PTBP3: variants seen among roughly 807,000 people sequenced by gnomAD.
PTBP3 encodes the protein polypyrimidine tract binding protein 3.
In PTBP3, 20 loss-of-function variants were observed where a neutral mutation model predicts 58.7. The observed-to-expected ratio is 0.34, with a 90% confidence interval of 0.24 to 0.50. The LOEUF is 0.50. PTBP3 is among the 20% of genes least tolerant of loss of function. PTBP3 has a pLI of 0.98. For synonymous variants in PTBP3, 185 were observed against 219.8 expected (o/e 0.84, Z 1.40); for missense variants, 509 against 637.2 (o/e 0.80, Z 2.17).
Position 112,333,525 on chromosome 9 carries a change from G to C in PTBP3, c.-107C>G, listed in dbSNP as rs1281926281. ...GAGCAGGGACTGACGGGCTAACCGC[G>C]AGCAGAGGAAGCAGGCGGCGGCAGC... On this transcript the variant is annotated 5_prime_UTR_variant, in exon 1 of 14. Transcript: ENST00000374257. 1.3e-6 allele frequency: 2 copies of C among 1,570,076 alleles called. No individual in the cohort carries two copies. The highest frequency in any genetic ancestry group is 1.7e-6 in the Non-Finnish European group (2 of 1,156,894).
intron 4 of PTBP3, 92 bp from the exon 5 acceptor site, chr9:112,262,691 G>A (rs3843823): frequency 0.49 from 567,226 of 1,168,480 alleles, 143,556 homozygotes; most frequent in African/African-American, 0.85. Flanking sequence ...ATGAAGCAAT[G>A]TAGTTAAGTA....
intron 1 of PTBP3, among the ~76,000 whole-genome samples, chr9:112,305,370 G>T (rs932340112): frequency 6.6e-6 from 1 of 151,818 alleles, no homozygotes; most frequent in East Asian, 1.9e-4. Flanking sequence ...GGAGCTTTGG[G>T]TCACACCTGA....
intron 6 of PTBP3, among the ~76,000 whole-genome samples, chr9:112,252,014 G>A (rs908487316): frequency 6.6e-6 from 1 of 151,996 alleles, no homozygotes; most frequent in Non-Finnish European, 1.5e-5. Context: ...GCTACAAGAT[G>A]AAATTAGAGT....
chr9:112,228,329 CACAA>C, intron 11 of PTBP3, 47 bp downstream of exon 11: 1 of 1,360,418 alleles, frequency 7.4e-7, no homozygotes. Context: ...AAAATTCACA[CACAA>C]AAGGGGCAAG....
At position 112,223,859 on chromosome 9, in the gene PTBP3, T is replaced by C. The variant is rs527665851; in HGVS notation, c.1567A>G (p.Thr523Ala). The change falls in exon 14 of 14, where the codon ACA becomes GCA. Residue 523 changes from threonine (T) to alanine (A), a missense_variant. Transcript: ENST00000374257. ...AAAAATTCACAGAAAAGTCAGATTG[T>C]AGATTTTGAGAAGGAAACTCTGAGG... ...HHLRVSFSKS[T>A]I is the part of the protein sequence containing the mutation. The C allele has an allele frequency of 2.2e-5, 35 of 1,613,478 alleles. No individual in the cohort carries two copies. Among genetic ancestry groups the C allele is most frequent in the Admixed American group, 3.3e-5 (2 of 59,994 alleles).
At chr9:112,260,499 G>C (rs1047721028) in intron 5 of PTBP3, among the ~76,000 whole-genome samples, 5 of 152,130 alleles carry the variant, frequency 3.3e-5, no homozygotes, top group African/African-American at 4.8e-5. Flanking sequence ...TTAGATTCAG[G>C]CTCCCTGAGG....
the PTBP3 span, among the ~76,000 whole-genome samples, chr9:112,358,315 C>CA: frequency 6.6e-6 from 1 of 151,966 alleles, no homozygotes; most frequent in East Asian, 1.9e-4. Context: ...CTCAAAAAAA[C>CA]AAAAACAAAC....
intron 5 of PTBP3, among the ~76,000 whole-genome samples, chr9:112,258,532 C>A (rs1039613403): frequency 2.6e-5 from 4 of 152,072 alleles, no homozygotes; most frequent in African/African-American, 9.7e-5. Context: ...CTACCTCCAA[C>A]CCCTGCCCCA....
At chr9:112,349,763 C>T in the PTBP3 span, among the ~76,000 whole-genome samples, 1 of 146,608 alleles carries the variant, frequency 6.8e-6, no homozygotes, top group East Asian at 2.1e-4. Context: ...ACTCGGCAGG[C>T]TGAGGCACGA....
chr9:112,334,987 C>T (rs1447046618), upstream of PTBP3, among the ~76,000 whole-genome samples: 1 of 152,134 alleles, frequency 6.6e-6, no homozygotes, highest in African/African-American at 2.4e-5. Flanking sequence ...TATTAAGTTG[C>T]ATTTGTAAAC....
chr9:112,268,028 A>T lies in PTBP3; in HGVS notation c.351+21T>A. 5 of 1,590,566 alleles carry T rather than the reference A, an allele frequency of 3.1e-6. No homozygotes were observed. The South Asian group carries it at 5.7e-5, about 18-fold the overall frequency. On this transcript the variant is annotated intron_variant, in intron 4 of 13. Coordinates refer to ENST00000374257, the MANE Select transcript of PTBP3 (RefSeq NM_001163788.4). ...ACCATGTGTTCCCATACCTATTTTT[A>T]AAAACATCTTTAATACTTACAGCTT...
intron 1 of PTBP3, chr9:112,333,156 C>G: frequency 8.3e-7 from 1 of 1,209,900 alleles, no homozygotes. Context: ...GGACTCGGGG[C>G]GCGGAGGGCG....
intron 7 of PTBP3, among the ~76,000 whole-genome samples, chr9:112,249,558 C>T (rs1246289876): frequency 6.6e-6 from 1 of 152,010 alleles, no homozygotes; most frequent in East Asian, 1.9e-4. Context: ...ATATAAAGTG[C>T]ATTGTTCTCT....
upstream of PTBP3, among the ~76,000 whole-genome samples, chr9:112,337,237 C>G (rs1830584038): frequency 1.3e-5 from 2 of 152,148 alleles, no homozygotes; most frequent in African/African-American, 4.8e-5. Context: ...ACTGTGTTGG[C>G]CAGGCTGGTC....
chr9:112,314,303 T>G (rs181340978), intron 1 of PTBP3, among the ~76,000 whole-genome samples: 15 of 152,320 alleles, frequency 9.8e-5, no homozygotes, highest in African/African-American at 3.1e-4. Flanking sequence ...GAGATAAAAA[T>G]GTATATTTCA....
chr9:112,225,051 T>G (rs1834930411), intron 12 of PTBP3, among the ~76,000 whole-genome samples: 1 of 152,190 alleles, frequency 6.6e-6, no homozygotes, highest in African/African-American at 2.4e-5. Context: ...TGACTCACAG[T>G]AACAATATGA....
In PTBP3 at chr9:112,246,597, G is replaced by A. The variant is rs1476243635; in HGVS notation, c.802+4332C>T. 4.6e-5 allele frequency among the ~76,000 whole-genome samples: 7 copies of A among 151,718 alleles called. No homozygotes were observed. The East Asian group carries it at 1.4e-3, about 30-fold the overall frequency. The stretch of plus-strand genomic sequence containing the variant: ...AGTCCCAGCTACTCAGGAGGTTGAG[G>A]CAGGAGTATGGTGTGAACCCGGGAG... On this transcript the variant is annotated intron_variant, in intron 7 of 13. Coordinates refer to ENST00000374257, the MANE Select transcript of PTBP3 (RefSeq NM_001163788.4).
intron 7 of PTBP3, 77 bp from the exon 8 acceptor site, chr9:112,234,974 A>T: frequency 8.6e-7 from 1 of 1,160,204 alleles, no homozygotes; most frequent in Non-Finnish European, 1.3e-6. Flanking sequence ...AAATGGCTCT[A>T]TGAAAGTATA....
chr9:112,362,919 G>T, the PTBP3 span: 1 of 286,502 alleles, frequency 3.5e-6, no homozygotes, highest in Non-Finnish European at 6.8e-6. Flanking sequence ...AGCACATGCT[G>T]CCCAGCGGCT....
Sources: gnomAD v4.1 joint callset for allele counts (sites outside exome capture counted in the v4.1 genomes callset) on GRCh38, gnomAD v4.1.1 for gene constraint, MANE v1.5 for transcripts, NCBI Gene and HGNC (gene_info 2026-07-23, HGNC 2026-07-21) for gene names.